Variants in ITGB3 observed in about 807,000 individuals in gnomAD.
The protein encoded by ITGB3 is integrin beta-3.
ITGB3 carries 48 observed loss-of-function variants against 85.8 expected under a neutral mutation model. The ratio of observed to expected loss-of-function variants is 0.56; its 90% CI spans 0.44 to 0.71. ITGB3 has a LOEUF of 0.71. ITGB3 is among the 30% of genes least tolerant of loss of function. The pLI, the probability that ITGB3 is intolerant of heterozygous loss-of-function variation, is 0.00. For synonymous variants in ITGB3, 363 were observed against 395.6 expected (o/e 0.92, Z 0.98); for missense variants, 861 against 1,019.1 (o/e 0.84, Z 2.11).
At chr17:47,263,107 G>A (rs1662046241) in intron 1 of ITGB3, among the ~76,000 whole-genome samples, 2 of 152,190 alleles carry the variant, frequency 1.3e-5, no homozygotes, top group African/African-American at 4.8e-5. Flanking sequence ...ACGGCCAGAG[G>A]AAGGGCAAAG....
At chr17:47,296,692 T>G (rs2065147360) in intron 10 of ITGB3, among the ~76,000 whole-genome samples, 1 of 152,220 alleles carries the variant, frequency 6.6e-6, no homozygotes, top group African/African-American at 2.4e-5. Flanking sequence ...GTGCTACTGA[T>G]GTCTAGAGGG....
intron 2 of ITGB3, among the ~76,000 whole-genome samples, 190 bp downstream of exon 2, chr17:47,274,694 C>A (rs2065056771): frequency 6.6e-6 from 1 of 152,244 alleles, no homozygotes; most frequent in Non-Finnish European, 1.5e-5. Context: ...GGAATACTAA[C>A]CCAAGTCTAC....
At chr17:47,293,192 C>A (rs1310051910) in intron 10 of ITGB3, among the ~76,000 whole-genome samples, 1 of 152,178 alleles carries the variant, frequency 6.6e-6, no homozygotes, top group African/African-American at 2.4e-5. Context: ...CACAGAGAGT[C>A]CCTGCTGACA....
intron 14 of ITGB3, among the ~76,000 whole-genome samples, chr17:47,308,447 A>G (rs940391602): frequency 1.3e-5 from 2 of 152,074 alleles, no homozygotes; most frequent in African/African-American, 2.4e-5. Context: ...CAAGAAACTG[A>G]GATGTTTCTG....
chr17:47,279,886 T>C (rs548716142), intron 2 of ITGB3: 7 of 152,340 alleles, frequency 4.6e-5, no homozygotes, highest in East Asian at 1.9e-4. Context: ...TGGGGCTTTT[T>C]TGAGCAAGAG....
At chr17:47,300,334 G>GGCACGCGCGCGCGCGC (rs2065161441) in intron 11 of ITGB3, 144 bp from the exon 12 acceptor site, 1 of 489,362 alleles carries the variant, frequency 2.0e-6, no homozygotes, top group African/African-American at 2.8e-5. Flanking sequence ...TTGTCTTACA[G>GGCACGCGCGCGCGCGC]GCGCGCGCGC....
At chr17:47,272,056 A>ATTTT (rs58156465) in intron 1 of ITGB3, among the ~76,000 whole-genome samples, 7 of 103,314 alleles carry the variant, frequency 6.8e-5, no homozygotes, top group African/African-American at 2.7e-4. Flanking sequence ...CACCGGGGCT[A>ATTTT]TTTTTTTTTT....
At chr17:47,265,815 C>T (rs894526704) in intron 1 of ITGB3, among the ~76,000 whole-genome samples, 1 of 152,134 alleles carries the variant, frequency 6.6e-6, no homozygotes, top group Admixed American at 6.5e-5. Flanking sequence ...TTTTAAATCT[C>T]TAAAATCAGG....
In ITGB3 at chr17:47,270,868, G is replaced by T. The variant is rs184644748; in HGVS notation, c.80-3551G>T. On this transcript the variant is annotated intron_variant, in intron 1 of 14. Coordinates refer to ENST00000559488, the MANE Select transcript of ITGB3 (RefSeq NM_000212.3). ...AATCTAGGGTTTTTGGGAGAACAATGAAAGTTTAAATTGCCTGAGGAATTG... is the reference window on the plus strand; with the variant it reads ...AATCTAGGGTTTTTGGGAGAACAATTAAAGTTTAAATTGCCTGAGGAATTG... 1.3e-3 allele frequency among the ~76,000 whole-genome samples: 201 copies of T among 152,320 alleles called. 5 individuals carry two copies. Among genetic ancestry groups the T allele is most frequent in the South Asian group, 2.1e-4 (1 of 4,826 alleles).
rs766920117 is a variant in ITGB3 at position 47,299,517 on chromosome 17, T to C, written c.1900T>C (p.Cys634Arg). 1.1e-5 allele frequency: 17 copies of C among 1,614,114 alleles called. No individual in the cohort carries two copies. Among genetic ancestry groups the C allele is most frequent in the Non-Finnish European group, 1.4e-5 (17 of 1,179,948 alleles). ...GAAGTGCCCCACCTGCCCAGATGCC[T>C]GCACCTTTAAGAAGTGAGTGTGGAG... ...CEKCPTCPDA[C>R]TFKKECVECK... Residue 634 changes from cysteine to arginine, a missense_variant, in exon 11 of 15, where the codon TGC (cysteine) becomes CGC (arginine). Transcript: ENST00000559488. This position sits in a 1 kb window ranked among gnomAD's most constrained non-coding sequence, Gnocchi z 5.1.
chr17:47,292,616 T>C (rs773490298), intron 10 of ITGB3, 48 bp downstream of exon 10: 1 of 1,584,694 alleles, frequency 6.3e-7, no homozygotes, highest in Non-Finnish European at 8.6e-7. Flanking sequence ...CACCCCCTCA[T>C]ATACCTGCAA....
chr17:47,303,685 G>T (rs1167890224), intron 13 of ITGB3: 3 of 152,158 alleles, frequency 2.0e-5, no homozygotes, highest in African/African-American at 4.8e-5. Context: ...GGAGCAGGAG[G>T]AATCCATCCC....
Position 47,299,374 on chromosome 17 carries a change from G to T in ITGB3, c.1757G>T (p.Cys586Phe), listed in dbSNP as rs2143129874. Residue 586 changes from cysteine to phenylalanine, a missense_variant, in exon 11 of 15, where the codon TGT becomes TTT. Transcript: ENST00000559488. The surrounding 1 kb of genome is among the most constrained non-coding windows in gnomAD (Gnocchi z 5.1). ...GACTGGACCGGCTACTACTGCAACT[G>T]TACCACGCGTACTGACACCTGCATG... is the stretch of plus-strand genomic sequence containing the variant. ...DSDWTGYYCNCTTRTDTCMSS... is the reference protein window; with the variant it reads ...DSDWTGYYCNFTTRTDTCMSS... The T allele has an allele frequency of 6.2e-7, 1 of 1,614,226 alleles. No individual in the cohort carries two copies. The highest frequency in any genetic ancestry group is 8.5e-7 in the Non-Finnish European group (1 of 1,180,052).
chr17:47,286,880 G>A (rs895559745), intron 5 of ITGB3, among the ~76,000 whole-genome samples, 190 bp from the exon 6 acceptor site: 2 of 152,220 alleles, frequency 1.3e-5, no homozygotes, highest in African/African-American at 4.8e-5. Context: ...GTTTTCTGAA[G>A]AGAATGAAAC....
At chr17:47,287,640 G>A (rs749222566) in intron 6 of ITGB3, among the ~76,000 whole-genome samples, 4 of 152,238 alleles carry the variant, frequency 2.6e-5, no homozygotes, top group Admixed American at 1.3e-4. Context: ...GGCATATGAT[G>A]GCTCATGCCT....
chr17:47,256,377 A>G (rs2056131), intron 1 of ITGB3, among the ~76,000 whole-genome samples: 98,420 of 151,900 alleles, frequency 0.65, 32,238 homozygotes, highest in Middle Eastern at 0.76. Context: ...CAGAAGTGGT[A>G]ATGGGTTGTG....
intron 1 of ITGB3, among the ~76,000 whole-genome samples, chr17:47,256,410 C>G (rs991845776): frequency 2.6e-5 from 4 of 152,016 alleles, no homozygotes; most frequent in African/African-American, 9.7e-5. Context: ...CACACTCTCT[C>G]TGAGAAGCAG....
At position 47,292,477 on chromosome 17, in the gene ITGB3, C is replaced by G; in HGVS notation, c.1599C>G (p.Val533=). Residue 533 remains valine (V), a synonymous_variant, in exon 10 of 15, where the codon GTC becomes GTG. Transcript: ENST00000559488. The part of the protein sequence containing the change: ...QRGECLCGQC[V]CHSSDFGKIT... ...GCGAGTGCCTCTGTGGTCAATGTGT[C>G]TGCCACAGCAGTGACTTTGGCAAGA... 4 of 1,610,528 alleles carry G rather than the reference C, an allele frequency of 2.5e-6. No individual in the cohort carries two copies. Among genetic ancestry groups the G allele is most frequent in the Non-Finnish European group, 3.4e-6 (4 of 1,178,572 alleles).
chr17:47,286,238 A>T (rs1316972491), intron 4 of ITGB3, 22 bp from the exon 5 acceptor site: 3 of 1,613,892 alleles, frequency 1.9e-6, no homozygotes, highest in South Asian at 1.1e-5. Context: ...GTCTGCTTAA[A>T]TTATCTCCCA....
Sources: allele counts gnomAD v4.1 joint callset (sites outside exome capture counted in the v4.1 genomes callset), GRCh38; gene constraint gnomAD v4.1.1; non-coding constraint Gnocchi (gnomAD v3.1); transcripts MANE v1.5; gene names NCBI Gene and HGNC (gene_info 2026-07-23, HGNC 2026-07-21).